ELF2: variants seen among roughly 807,000 people sequenced by gnomAD.
The protein encoded by ELF2 is ETS-related transcription factor Elf-2.
Under a neutral mutation model 54.8 loss-of-function variants are expected in ELF2, and 11 were observed. That is an observed-to-expected ratio of 0.20 (90% CI 0.13 to 0.33). ELF2 has a LOEUF of 0.33. Ranked by LOEUF, ELF2 falls within the 10% of genes least tolerant of loss-of-function variation. The pLI is 1.00. For missense variants in ELF2, 513 were observed against 703.0 expected (o/e 0.73, Z 3.06); for synonymous variants, 203 against 245.1 (o/e 0.83, Z 1.61).
At chr4:139,128,189 T>A (rs937399369) in intron 3 of ELF2, among the ~76,000 whole-genome samples, 4 of 152,086 alleles carry the variant, frequency 2.6e-5, no homozygotes, top group African/African-American at 9.7e-5. Context: ...GCAAGAGGAT[T>A]GCTTGAACCC....
At position 139,169,814 on chromosome 4, in the gene ELF2, G is replaced by A. The variant is rs374189851; in HGVS notation, c.-252+7153C>T. Among the ~76,000 whole-genome samples, 8 of 142,812 alleles carry A rather than the reference G, an allele frequency of 5.6e-5. No homozygotes were observed. In the East Asian group the frequency reaches 6.2e-4, roughly 11 times the overall value. 93.7% of individuals were successfully genotyped at this position (142,812 alleles called of 152,430 possible). On this transcript the variant is annotated intron_variant, in intron 1 of 9. Transcript: ENST00000686138. ...GGAGCTTGCCATAAACTGAGATCTC[G>A]CCACTGCACTCCAGCCTGCGCGACA...
In ELF2 at chr4:139,151,081, A is replaced by AAAGAAGAAAGAAAG. The variant is rs1739928824; in HGVS notation, c.-251-11585_-251-11584insCTTTCTTTCTTCTT. Among the ~76,000 whole-genome samples, 50 of 147,090 alleles carry AAAGAAGAAAGAAAG rather than the reference A, an allele frequency of 3.4e-4. 2 individuals are homozygous for AAAGAAGAAAGAAAG. Among genetic ancestry groups the AAAGAAGAAAGAAAG allele is most frequent in the African/African-American group, 1.3e-3 (48 of 37,538 alleles). On this transcript the variant is annotated intron_variant, in intron 1 of 9. Transcript: ENST00000686138. ...GAAAGAAAGAAAGAAAGAAAGAAAG[A>AAAGAAGAAAGAAAG]AAGAAAGAAAGAAAAAGAGAGCTAT... is the stretch of plus-strand genomic sequence containing the variant.
chr4:139,104,986 A>C (rs1431152710), intron 4 of ELF2, among the ~76,000 whole-genome samples: 2 of 152,234 alleles, frequency 1.3e-5, no homozygotes, highest in African/African-American at 4.8e-5. Context: ...CTTTGAGGCT[A>C]GAAAGCATGT....
At chr4:139,119,966 G>A (rs1417217941) in intron 4 of ELF2, among the ~76,000 whole-genome samples, 1 of 151,984 alleles carries the variant, frequency 6.6e-6, no homozygotes, top group Non-Finnish European at 1.5e-5. Flanking sequence ...TAGAGATGGG[G>A]TTTCACCACA....
intron 4 of ELF2, among the ~76,000 whole-genome samples, chr4:139,082,126 T>C (rs546762629): frequency 6.6e-6 from 1 of 152,288 alleles, no homozygotes; most frequent in Admixed American, 6.5e-5. Flanking sequence ...AAAAAATAGT[T>C]TCCAATGGCA....
rs190072210 is a variant in ELF2, at chr4:139,075,881, A to G, written c.239-2314T>C. 2.0e-5 allele frequency among the ~76,000 whole-genome samples: 3 copies of G among 152,362 alleles called. No individual in the cohort carries two copies. In the East Asian group the frequency reaches 5.8e-4, roughly 29 times the overall value. Reference sequence around the variant, plus strand: ...TTAACTTAGTAAGACGTTCTGAAACATGAATATTTAAGAGTCTCTAACTTG... The same window carrying G: ...TTAACTTAGTAAGACGTTCTGAAACGTGAATATTTAAGAGTCTCTAACTTG... On this transcript the variant is annotated intron_variant, in intron 4 of 9. Coordinates refer to ENST00000686138, the MANE Select transcript of ELF2 (RefSeq NM_001331036.3).
chr4:139,120,366 T>C (rs181393307), intron 4 of ELF2, among the ~76,000 whole-genome samples: 4 of 152,354 alleles, frequency 2.6e-5, no homozygotes, highest in Admixed American at 1.3e-4. Context: ...CAACTCATAC[T>C]ACAATAGCTA....
intron 4 of ELF2, among the ~76,000 whole-genome samples, chr4:139,122,797 G>C (rs1005484324): frequency 6.6e-6 from 1 of 151,440 alleles, no homozygotes; most frequent in South Asian, 2.1e-4. Context: ...TACCACGCTC[G>C]GCCTGATTCT....
At chr4:139,067,446 A>G in intron 7 of ELF2, 1 of 443,914 alleles carries the variant, frequency 2.3e-6, no homozygotes, top group Non-Finnish European at 4.1e-6. Flanking sequence ...ACTTTTTCCA[A>G]GTCCCTATAT....
chr4:139,117,127 GTGGT>G (rs1735796611), intron 4 of ELF2, among the ~76,000 whole-genome samples: 1 of 152,062 alleles, frequency 6.6e-6, no homozygotes, highest in South Asian at 2.1e-4. Context: ...GTCTTGATAC[GTGGT>G]TAAGGAGCAA....
chr4:139,092,645 C>T (rs1033269453), intron 4 of ELF2, among the ~76,000 whole-genome samples: 6 of 151,544 alleles, frequency 4.0e-5, no homozygotes, highest in African/African-American at 1.5e-4. Flanking sequence ...CTAAAAAATA[C>T]AAAAACTTAG....
rs565321628 is a variant in ELF2, at chr4:139,087,559, G to A, written c.239-13992C>T. ...CGGCTCACTGCAAGCTCCGCCTCCC[G>A]GGTTCATGCCATTCTCCTGCCTCAG... On this transcript the variant is annotated intron_variant, in intron 4 of 9. Transcript: ENST00000686138. 1.4e-3 allele frequency among the ~76,000 whole-genome samples: 215 copies of A among 152,226 alleles called. 1 individual carries two copies. The highest frequency in any genetic ancestry group is 4.9e-3 in the African/African-American group (202 of 41,534).
chr4:139,113,221 C>T (rs927859053), intron 4 of ELF2, among the ~76,000 whole-genome samples: 4 of 151,858 alleles, frequency 2.6e-5, no homozygotes, highest in East Asian at 2.0e-4. Flanking sequence ...AGCTGAGTGT[C>T]GTGGCATTTG....
At chr4:139,084,333 G>C in intron 4 of ELF2, 1 of 1,541,774 alleles carries the variant, frequency 6.5e-7, no homozygotes. Context: ...TCCGACGCCC[G>C]GATCCTTGCG....
In ELF2 at chr4:139,073,482, A is replaced by G. The variant is rs1488775603; in HGVS notation, c.324T>C (p.Pro108=). Residue 108 remains proline (P), a synonymous_variant, in exon 5 of 10, where the codon CCT becomes CCC. Coordinates refer to ENST00000686138, the MANE Select transcript of ELF2 (RefSeq NM_001331036.3). Reference sequence around the variant, plus strand: ...GACTTCTTGAATCCCTCAAGCAGGTAGGAGATTCCATATGAAGCAGGGCTT... The same window carrying G: ...GACTTCTTGAATCCCTCAAGCAGGTGGGAGATTCCATATGAAGCAGGGCTT... ...AAEALLHMES[P]TCLRDSRSPV... is the part of the protein sequence containing the mutation. 6.2e-7 allele frequency: 1 copy of G among 1,608,408 alleles called. No individual in the cohort carries two copies.
At chr4:139,091,236 T>C (rs188662309) in intron 4 of ELF2, among the ~76,000 whole-genome samples, 1 of 152,254 alleles carries the variant, frequency 6.6e-6, no homozygotes, top group Non-Finnish European at 1.5e-5. Context: ...GACCTTCTTA[T>C]AGTATATGTT....
intron 1 of ELF2, among the ~76,000 whole-genome samples, chr4:139,171,342 A>G (rs937481727): frequency 6.6e-6 from 1 of 152,174 alleles, no homozygotes; most frequent in Admixed American, 6.5e-5. Context: ...TCAAGGCTAC[A>G]GTGAGCTCTG....
chr4:139,059,001 T>C lies in ELF2; in HGVS notation c.1764A>G (p.Leu588=), dbSNP rs552532512. Residue 588 remains leucine, a synonymous_variant, in exon 10 of 10, where the codon CTA becomes CTG. Coordinates refer to ENST00000686138, the MANE Select transcript of ELF2 (RefSeq NM_001331036.3). ...TGCTATTTTATTTCTCACATGTCAC[T>C]AGTCCTTCTGTTTTCATAGTTACAG... ...ALPVTMKTEG[L]VTCEK 3 of 1,612,274 alleles carry C rather than the reference T, an allele frequency of 1.9e-6. No homozygotes were observed. Among genetic ancestry groups the C allele is most frequent in the East Asian group, 4.5e-5 (2 of 44,872 alleles).
At chr4:139,103,456 A>C (rs926831790) in intron 4 of ELF2, among the ~76,000 whole-genome samples, 3 of 152,238 alleles carry the variant, frequency 2.0e-5, no homozygotes, top group African/African-American at 7.2e-5. Context: ...CCAATGACTT[A>C]ATCAATCATG....
Sources: gnomAD v4.1 joint callset for allele counts (sites outside exome capture counted in the v4.1 genomes callset) on GRCh38, gnomAD v4.1.1 for gene constraint, MANE v1.5 for transcripts, NCBI Gene and HGNC (gene_info 2026-07-23, HGNC 2026-07-21) for gene names.